The following RNF180 variants were observed in gnomAD, a reference collection of about 807,000 sequenced individuals.
RNF180 encodes the protein ring finger protein 180, also known as E3 ubiquitin-protein ligase RNF180.
Under a neutral mutation model 59.2 loss-of-function variants are expected in RNF180, and 38 were observed. The observed-to-expected ratio is 0.64, with a 90% confidence interval of 0.50 to 0.84. The LOEUF (loss-of-function observed/expected upper bound fraction) is 0.84, where lower values mean the gene tolerates loss of function less well. Ranked by LOEUF, RNF180 falls within the 40% of genes least tolerant of loss-of-function variation. The probability of loss-of-function intolerance (pLI) is 0.00; values close to 1 mark genes in which losing one functional copy is unlikely to be tolerated. For missense variants in RNF180, 705 were observed against 700.9 expected, an observed-to-expected ratio of 1.01 and a Z score of -0.07; for synonymous variants, 262 against 240.3, an observed-to-expected ratio of 1.09 and a Z score of -0.84.
chr5:64,334,559 TTACC>T lies in RNF180; in HGVS notation c.1579+4154_1579+4157del, dbSNP rs1184704723. On this transcript the variant is annotated intron_variant, in intron 7 of 7. Transcript: ENST00000389100. ...AGCACCTTCTGTAGTTCTTCTTTGT[TTACC>T]CTGATTCCCCTGAATTTTGTATTTA... Among the ~76,000 whole-genome samples, 3 of 152,288 alleles carry T rather than the reference TTACC, an allele frequency of 2.0e-5. No individual in the cohort carries two copies. The East Asian group carries it at 5.8e-4, about 29-fold the overall frequency.
chr5:64,286,520 G>A (rs1394740855), intron 5 of RNF180, among the ~76,000 whole-genome samples: 2 of 152,206 alleles, frequency 1.3e-5, no homozygotes, highest in African/African-American at 2.4e-5. Context: ...ATAAAGATGA[G>A]AAGGCAGAAG....
intron 5 of RNF180, among the ~76,000 whole-genome samples, chr5:64,291,911 T>A (rs983347179): frequency 2.0e-5 from 3 of 152,216 alleles, no homozygotes; most frequent in Non-Finnish European, 4.4e-5. Context: ...TCTGAGATTC[T>A]GTCCTTCGCT....
In RNF180 at chr5:64,214,074, A is replaced by G. The variant is rs1247221881; in HGVS notation, c.748A>G (p.Ser250Gly). Residue 250 changes from serine (S) to glycine (G), a missense_variant, in exon 4 of 8, where the codon AGT (serine) becomes GGT (glycine). By Grantham distance (56) the Ser-to-Gly change is moderately conservative. Transcript: ENST00000389100. ...ATTACCCACTTTATATGAAATACAT[A>G]GTAAGACTACTGCCTATTCCAGACT... ...TLLPTLYEIH[S>G]KTTAYSRLNE... 1 of 1,613,904 alleles carries G rather than the reference A, an allele frequency of 6.2e-7. No homozygotes were observed. Among genetic ancestry groups the G allele is most frequent in the Non-Finnish European group, 8.5e-7 (1 of 1,179,930 alleles).
chr5:64,213,470 T>G, intron 3 of RNF180, 88 bp from the exon 4 acceptor site: 10 of 1,242,152 alleles, frequency 8.1e-6, no homozygotes, highest in Non-Finnish European at 1.1e-5. Flanking sequence ...TAGAAAACTT[T>G]CATGTGGCTG....
intron 1 of RNF180, among the ~76,000 whole-genome samples, chr5:64,171,889 T>C (rs1749955555): frequency 6.6e-6 from 1 of 152,082 alleles, no homozygotes; most frequent in Non-Finnish European, 1.5e-5. Flanking sequence ...GAAGCAAAGT[T>C]AAGTAGCAGG....
intron 5 of RNF180, among the ~76,000 whole-genome samples, chr5:64,234,467 AAAATAAAAAT>A (rs372224306): frequency 0.01 from 1,573 of 152,076 alleles, 14 homozygotes; most frequent in Non-Finnish European, 0.015. Context: ...CTCTGTCTCA[AAAATAAAAAT>A]AAATAAAGTT....
chr5:64,237,811 CTCTCTCTCTCTG>C (rs1318184764), intron 5 of RNF180, among the ~76,000 whole-genome samples: 1 of 152,018 alleles, frequency 6.6e-6, no homozygotes, highest in Non-Finnish European at 1.5e-5. Flanking sequence ...TGGCACTTCT[CTCTCTCTCTCTG>C]TCTCTCTCTC....
At chr5:64,345,415 G>A (rs989602380) in intron 7 of RNF180, among the ~76,000 whole-genome samples, 2 of 152,158 alleles carry the variant, frequency 1.3e-5, no homozygotes, top group Admixed American at 1.3e-4. Context: ...ACTATCCATA[G>A]GGGTATTTCT....
intron 2 of RNF180, among the ~76,000 whole-genome samples, chr5:64,211,235 GT>G (rs1192936948): frequency 2.0e-5 from 3 of 152,090 alleles, no homozygotes; most frequent in Non-Finnish European, 4.4e-5. Context: ...TGTTCAAGTT[GT>G]TACCTATAGA....
intron 5 of RNF180, among the ~76,000 whole-genome samples, chr5:64,320,490 G>T (rs1744289656): frequency 6.6e-6 from 1 of 152,100 alleles, no homozygotes; most frequent in South Asian, 2.1e-4. Context: ...TACACAAAAG[G>T]TACATGTTTA....
At chr5:64,346,438 C>T (rs1318167122) in intron 7 of RNF180, among the ~76,000 whole-genome samples, 2 of 133,438 alleles carry the variant, frequency 1.5e-5, no homozygotes, top group South Asian at 2.6e-4. Flanking sequence ...AGCACAATCT[C>T]GGCTCACTGC....
chr5:64,327,337 G>T (rs928895997), intron 6 of RNF180, among the ~76,000 whole-genome samples: 1 of 151,658 alleles, frequency 6.6e-6, no homozygotes, highest in African/African-American at 2.4e-5. Flanking sequence ...GGTTTGGTTT[G>T]TTCTTGCTTT....
chr5:64,362,927 AG>A lies in RNF180; in HGVS notation c.1580-6684del, dbSNP rs529249294. ...TTCATGTCCTTTGCCCACTTTTTAA[AG>A]GGGTTATTCTTTTCTTGTAAATTTA... On this transcript the variant is annotated intron_variant, in intron 7 of 7. Coordinates refer to ENST00000389100, the MANE Select transcript of RNF180 (RefSeq NM_001113561.2). 3.3e-4 allele frequency among the ~76,000 whole-genome samples: 47 copies of A among 141,216 alleles called. 3 individuals carry two copies. The highest frequency in any genetic ancestry group is 1.4e-3 in the African/African-American group (44 of 32,006). 92.6% of individuals were successfully genotyped at this position (141,216 alleles called of 152,430 possible). A position where few individuals can be genotyped will look rare whatever the true frequency, so the allele number is the denominator to read the frequency against.
chr5:64,306,594 A>C (rs1743472279), intron 5 of RNF180, among the ~76,000 whole-genome samples: 1 of 151,828 alleles, frequency 6.6e-6, no homozygotes, highest in Admixed American at 6.6e-5. Context: ...ACAATGATAG[A>C]CTGGAGTAAG....
chr5:64,244,880 CA>C, intron 5 of RNF180, among the ~76,000 whole-genome samples: 1 of 152,268 alleles, frequency 6.6e-6, no homozygotes, highest in South Asian at 2.1e-4. Context: ...ATGAGACTAA[CA>C]GTGGATTTCT....
intron 6 of RNF180, among the ~76,000 whole-genome samples, chr5:64,326,258 G>A (rs1744635547): frequency 6.6e-6 from 1 of 151,228 alleles, no homozygotes; most frequent in African/African-American, 2.4e-5. Flanking sequence ...TTTTATTCTG[G>A]TAAAAAAAAA....
At chr5:64,233,540 A>G (rs962623558) in intron 5 of RNF180, among the ~76,000 whole-genome samples, 2 of 152,228 alleles carry the variant, frequency 1.3e-5, no homozygotes, top group Admixed American at 1.3e-4. Flanking sequence ...TTTCCTAATT[A>G]TCATGGGAAT....
chr5:64,331,091 C>T (rs542520568), intron 7 of RNF180, among the ~76,000 whole-genome samples: 10 of 152,360 alleles, frequency 6.6e-5, no homozygotes, highest in South Asian at 2.1e-4. Context: ...TCAGGGCAGT[C>T]CTGACATGCC....
chr5:64,354,555 C>CAAAAAA (rs777712035), intron 7 of RNF180, among the ~76,000 whole-genome samples: 1 of 147,486 alleles, frequency 6.8e-6, no homozygotes, highest in Non-Finnish European at 1.5e-5. Context: ...TCAAACTGTT[C>CAAAAAA]AAAAAAAAAA....
Sources: allele counts gnomAD v4.1 joint callset (sites outside exome capture counted in the v4.1 genomes callset), GRCh38; gene constraint gnomAD v4.1.1; transcripts MANE v1.5; gene names NCBI Gene and HGNC (gene_info 2026-07-23, HGNC 2026-07-21).